The following CNTNAP2 variants were observed in gnomAD, a reference collection of about 807,000 sequenced individuals.
The protein encoded by CNTNAP2 is contactin associated protein 2, also known as contactin-associated protein-like 2.
Under a neutral mutation model 155.2 loss-of-function variants are expected in CNTNAP2, and 98 were observed. The observed-to-expected ratio is 0.63, with a 90% CI of 0.54 to 0.75. CNTNAP2 has a LOEUF of 0.75. CNTNAP2 is among the 30% of genes least tolerant of loss of function. CNTNAP2 has a pLI of 0.00. For missense variants in CNTNAP2, 1,727 were observed against 1,688.1 expected (o/e 1.02, Z -0.40); for synonymous variants, 651 against 631.2 (o/e 1.03, Z -0.47).
chr7:147,346,127 G>GATTTT (rs562305540), intron 9 of CNTNAP2, among the ~76,000 whole-genome samples: 12 of 93,620 alleles, frequency 1.3e-4, no homozygotes, highest in Non-Finnish European at 1.9e-4. Context: ...CATAATCGAA[G>GATTTT]ATTTTATTTT....
At chr7:147,105,247 G>A (rs894013748) in intron 4 of CNTNAP2, among the ~76,000 whole-genome samples, 1 of 151,798 alleles carries the variant, frequency 6.6e-6, no homozygotes, top group Non-Finnish European at 1.5e-5. Flanking sequence ...TTTTGAAAAA[G>A]CGTTTTCTAC....
intron 15 of CNTNAP2, among the ~76,000 whole-genome samples, chr7:148,045,669 C>T (rs1026984062): frequency 4.6e-5 from 7 of 152,208 alleles, no homozygotes; most frequent in Non-Finnish European, 8.8e-5. Flanking sequence ...ACTTGGCTGC[C>T]TTCCAGTGAA....
At chr7:146,120,021 A>T (rs1797539817) in intron 1 of CNTNAP2, among the ~76,000 whole-genome samples, 1 of 151,870 alleles carries the variant, frequency 6.6e-6, no homozygotes, top group Admixed American at 6.6e-5. Context: ...ATTTTCTAAA[A>T]CACCATTCAA....
intron 14 of CNTNAP2, among the ~76,000 whole-genome samples, chr7:147,933,245 A>G (rs904107752): frequency 1.3e-5 from 2 of 152,106 alleles, no homozygotes; most frequent in African/African-American, 2.4e-5. Flanking sequence ...ATATATATGT[A>G]TGGAAAACTG....
chr7:146,995,968 C>T (rs1447371332), intron 3 of CNTNAP2, among the ~76,000 whole-genome samples: 1 of 151,972 alleles, frequency 6.6e-6, no homozygotes, highest in Non-Finnish European at 1.5e-5. Flanking sequence ...AAACCTTGCC[C>T]AGACCAATGT....
intron 1 of CNTNAP2, among the ~76,000 whole-genome samples, chr7:146,684,926 T>A (rs891008204): frequency 6.6e-6 from 1 of 152,140 alleles, no homozygotes; most frequent in African/African-American, 2.4e-5. Flanking sequence ...GTCAATTAAA[T>A]AATGTAAGCT....
chr7:147,672,464 AAAGCATGGCAGGG>A (rs1795803765), intron 13 of CNTNAP2: 1 of 152,218 alleles, frequency 6.6e-6, no homozygotes, highest in African/African-American at 2.4e-5. Flanking sequence ...GGCATGTGGC[AAAGCATGGCAGGG>A]AATTCTTTCA....
At chr7:147,552,319 A>G (rs1799867049) in intron 11 of CNTNAP2, among the ~76,000 whole-genome samples, 2 of 152,158 alleles carry the variant, frequency 1.3e-5, no homozygotes, top group South Asian at 4.1e-4. Context: ...TTATTTAACA[A>G]TTAAAAATCA....
chr7:148,136,882 GCA>G lies in CNTNAP2; in HGVS notation c.2555-10608_2555-10607del, dbSNP rs1429297921. ...TTTTATATGCGCAGTCTTTAGGGAG[GCA>G]AAAATGTTTTATGCAATCTATACAA... On this transcript the variant is annotated intron_variant, in intron 16 of 23. Coordinates refer to ENST00000361727, the MANE Select transcript of CNTNAP2 (RefSeq NM_014141.6). Among the ~76,000 whole-genome samples the G allele has an allele frequency of 8.5e-5, 13 of 152,252 alleles. No individual in the cohort carries two copies. In the East Asian group the frequency reaches 2.5e-3, roughly 29 times the overall value.
intron 2 of CNTNAP2, among the ~76,000 whole-genome samples, chr7:146,826,847 T>C (rs576581601): frequency 1.4e-5 from 2 of 142,136 alleles, no homozygotes; most frequent in East Asian, 3.9e-4. Context: ...TATATATATA[T>C]ATATATATAT....
At chr7:146,809,881 TA>T (rs918072724) in intron 2 of CNTNAP2, among the ~76,000 whole-genome samples, 7 of 152,170 alleles carry the variant, frequency 4.6e-5, no homozygotes, top group African/African-American at 1.4e-4. Context: ...TTTTTGCTTT[TA>T]TTTCCTGTGA....
rs994445787 is a variant in CNTNAP2 at position 146,930,438 on chromosome 7, G to A, written c.402+90534G>A. Reference sequence around the variant, plus strand: ...TGCCCTAAAAGAGCTCCTGAAGGAAGCACTAAACATGGAAAGGAACAACTG... The same window carrying A: ...TGCCCTAAAAGAGCTCCTGAAGGAAACACTAAACATGGAAAGGAACAACTG... On this transcript the variant is annotated intron_variant, in intron 3 of 23. Transcript: ENST00000361727. Among the ~76,000 whole-genome samples the A allele has an allele frequency of 3.3e-5, 5 of 152,162 alleles. No individual in the cohort carries two copies. The South Asian group carries it at 8.3e-4, about 25-fold the overall frequency.
intron 1 of CNTNAP2, among the ~76,000 whole-genome samples, chr7:146,628,352 A>T (rs1799454867): frequency 6.6e-6 from 1 of 152,166 alleles, no homozygotes; most frequent in African/African-American, 2.4e-5. Flanking sequence ...ATAGTAGAAT[A>T]GTGGTTACCA....
At chr7:147,191,468 G>T (rs1310462439) in intron 8 of CNTNAP2, among the ~76,000 whole-genome samples, 1 of 152,132 alleles carries the variant, frequency 6.6e-6, no homozygotes, top group Non-Finnish European at 1.5e-5. Flanking sequence ...ACCACTGCTT[G>T]GAAGGAACAG....
At chr7:147,120,094 TAAC>T (rs1261233115) in intron 5 of CNTNAP2, among the ~76,000 whole-genome samples, 7 of 152,314 alleles carry the variant, frequency 4.6e-5, no homozygotes, top group Middle Eastern at 3.4e-3. Context: ...AATTAAAAGA[TAAC>T]AAGTAAATTT....
intron 13 of CNTNAP2, among the ~76,000 whole-genome samples, chr7:147,806,772 C>T (rs1232741954): frequency 6.6e-6 from 1 of 152,130 alleles, no homozygotes; most frequent in Non-Finnish European, 1.5e-5. Flanking sequence ...TGCATATTCT[C>T]ACTCATGAGT....
intron 15 of CNTNAP2, among the ~76,000 whole-genome samples, chr7:147,981,150 A>C (rs970216625): frequency 6.6e-6 from 1 of 152,244 alleles, no homozygotes; most frequent in Non-Finnish European, 1.5e-5. Context: ...ATTTCTGAGC[A>C]TACTTTCAGC....
intron 1 of CNTNAP2, among the ~76,000 whole-genome samples, chr7:146,126,512 A>G (rs570376109): frequency 1.3e-5 from 2 of 152,208 alleles, no homozygotes; most frequent in African/African-American, 2.4e-5. Context: ...ATTGAAATAC[A>G]TGTAATAGTC....
chr7:147,392,738 G>A (rs1489515566), intron 9 of CNTNAP2, among the ~76,000 whole-genome samples: 1 of 151,854 alleles, frequency 6.6e-6, no homozygotes, highest in Non-Finnish European at 1.5e-5. Context: ...GTATAAAAAA[G>A]CCACATATTC....
Sources: allele counts gnomAD v4.1 joint callset (sites outside exome capture counted in the v4.1 genomes callset), GRCh38; gene constraint gnomAD v4.1.1; transcripts MANE v1.5; gene names NCBI Gene and HGNC (gene_info 2026-07-23, HGNC 2026-07-21).